Variants in TAS2R1 observed in about 807,000 individuals in gnomAD.
TAS2R1 encodes the protein taste 2 receptor member 1.
For synonymous variants in TAS2R1, 141 were observed against 134.2 expected (o/e 1.05, Z -0.35); for missense variants, 370 against 353.4 (o/e 1.05, Z -0.38).
chr5:9,723,096 T>C, the TAS2R1 span, among the ~76,000 whole-genome samples: 1 of 152,344 alleles, frequency 6.6e-6, no homozygotes, highest in African/African-American at 2.4e-5. Flanking sequence ...AGGGTCATAT[T>C]GGCATTTGGG....
chr5:9,633,100 C>T (rs897977264), upstream of TAS2R1, among the ~76,000 whole-genome samples: 1 of 151,404 alleles, frequency 6.6e-6, no homozygotes, highest in African/African-American at 2.4e-5. Flanking sequence ...GTTGTATTGG[C>T]GGGCATGAAA....
chr5:9,764,288 G>A, the TAS2R1 span, among the ~76,000 whole-genome samples: 65 of 152,218 alleles, frequency 4.3e-4, 1 homozygote, highest in East Asian at 2.1e-3. Context: ...ATGTAGCTTC[G>A]GATGGTGTCC....
chr5:9,754,207 A>G, the TAS2R1 span, among the ~76,000 whole-genome samples: 11 of 152,196 alleles, frequency 7.2e-5, no homozygotes, highest in Middle Eastern at 3.4e-3. Flanking sequence ...AAATTCAACA[A>G]CCCTTCATGC....
In TAS2R1 at chr5:9,692,221, G is replaced by A. The variant is rs551330837; in HGVS notation, c.-242+19951C>T. Among the ~76,000 whole-genome samples, 5 of 152,292 alleles carry A rather than the reference G, an allele frequency of 3.3e-5. No individual in the cohort carries two copies. The South Asian group carries it at 1.0e-3, about 32-fold the overall frequency. On this transcript the variant is annotated intron_variant, in intron 1 of 2. Coordinates refer to the TAS2R1 transcript ENST00000506620. ...GCATCTGCAGCTCAGCACCAAGCCA[G>A]GATCACCGGCTAGTAGTTCAGAGGC...
the TAS2R1 span, among the ~76,000 whole-genome samples, chr5:9,729,815 T>C: frequency 6.6e-6 from 1 of 152,188 alleles, no homozygotes; most frequent in Non-Finnish European, 1.5e-5. Flanking sequence ...ACCCATCCAC[T>C]GAGAAGTAGA....
chr5:9,687,515 C>G (rs1413554199), intron 1 of TAS2R1, among the ~76,000 whole-genome samples: 2 of 152,082 alleles, frequency 1.3e-5, no homozygotes, highest in Non-Finnish European at 2.9e-5. Context: ...CGCCCCACCC[C>G]CACTGTCTCT....
chr5:9,741,589 T>C, the TAS2R1 span, among the ~76,000 whole-genome samples: 1 of 152,178 alleles, frequency 6.6e-6, no homozygotes, highest in Admixed American at 6.5e-5. Flanking sequence ...TGGTTTTATC[T>C]CGTGTATGTT....
chr5:9,843,822 G>C, the TAS2R1 span, among the ~76,000 whole-genome samples: 9,085 of 152,174 alleles, frequency 0.06, 648 homozygotes, highest in East Asian at 0.23. Context: ...GTTGCAAGCT[G>C]GGCTACATTC....
At chr5:9,826,664 A>T in the TAS2R1 span, among the ~76,000 whole-genome samples, 17 of 152,356 alleles carry the variant, frequency 1.1e-4, no homozygotes, top group East Asian at 3.1e-3. Flanking sequence ...ACACATAAAA[A>T]AAGAGGTTTG....
chr5:9,858,151 C>T, the TAS2R1 span, among the ~76,000 whole-genome samples: 1 of 151,996 alleles, frequency 6.6e-6, no homozygotes, highest in African/African-American at 2.4e-5. Context: ...GCCACTGAGG[C>T]CCAGTCTGGA....
At chr5:9,642,812 C>A in intron 2 of TAS2R1, among the ~76,000 whole-genome samples, 1 of 152,264 alleles carries the variant, frequency 6.6e-6, no homozygotes, top group East Asian at 1.9e-4. Flanking sequence ...TTGTTAGTTA[C>A]AATGAGGAAA....
At chr5:9,757,584 T>C in the TAS2R1 span, among the ~76,000 whole-genome samples, 4 of 152,184 alleles carry the variant, frequency 2.6e-5, no homozygotes, top group East Asian at 1.9e-4. Flanking sequence ...CTTCAGCATG[T>C]AGAATTATAA....
the TAS2R1 span, among the ~76,000 whole-genome samples, chr5:9,852,474 C>T: frequency 6.6e-6 from 1 of 152,144 alleles, no homozygotes; most frequent in Non-Finnish European, 1.5e-5. Context: ...CTGCAATTTG[C>T]TCCCCCTTTC....
At chr5:9,655,279 A>G (rs554456935) in intron 2 of TAS2R1, among the ~76,000 whole-genome samples, 1 of 152,350 alleles carries the variant, frequency 6.6e-6, no homozygotes, top group East Asian at 1.9e-4. Context: ...TACAAACTTT[A>G]TAAGTCTCTT....
At chr5:9,740,597 G>C in the TAS2R1 span, among the ~76,000 whole-genome samples, 9 of 152,188 alleles carry the variant, frequency 5.9e-5, no homozygotes, top group Non-Finnish European at 1.3e-4. Context: ...ATTAAAATCT[G>C]TCACCCAATT....
the TAS2R1 span, among the ~76,000 whole-genome samples, chr5:9,902,038 T>C: frequency 6.6e-6 from 1 of 152,066 alleles, no homozygotes. Context: ...ATGTTACGTC[T>C]GTCCCTCAGA....
the TAS2R1 span, among the ~76,000 whole-genome samples, chr5:9,875,401 AAAAG>A: frequency 6.6e-6 from 1 of 152,326 alleles, no homozygotes; most frequent in South Asian, 2.1e-4. Context: ...TTAGACTAGA[AAAAG>A]AAAGAGTCTT....
At chr5:9,879,707 G>C in the TAS2R1 span, among the ~76,000 whole-genome samples, 2 of 152,304 alleles carry the variant, frequency 1.3e-5, no homozygotes, top group South Asian at 2.1e-4. Flanking sequence ...CCATAGAGAT[G>C]TGATGATTAT....
the TAS2R1 span, among the ~76,000 whole-genome samples, chr5:9,895,532 G>C: frequency 2.0e-5 from 3 of 152,238 alleles, no homozygotes; most frequent in Non-Finnish European, 2.9e-5. Context: ...CAGAGGCGAG[G>C]CTTCCTTTTG....
Sources: allele counts gnomAD v4.1 joint callset (sites outside exome capture counted in the v4.1 genomes callset), GRCh38; gene constraint gnomAD v4.1.1; transcripts MANE v1.5; gene names NCBI Gene and HGNC (gene_info 2026-07-23, HGNC 2026-07-21).